Variants in CSMD1 observed in about 807,000 individuals in gnomAD.
The protein encoded by CSMD1 is CUB and Sushi multiple domains 1.
A neutral mutation model predicts 417.5 loss-of-function variants in CSMD1; 213 were observed. That is an observed-to-expected ratio of 0.51 (90% CI 0.46 to 0.57). CSMD1 has a LOEUF of 0.57. Among genes scored for constraint, CSMD1 ranks in the 20% least tolerant of loss-of-function variants. The pLI is 0.00. For missense variants in CSMD1, 6,923 were observed against 4,529.7 expected (o/e 1.53, Z -15.17); for synonymous variants, 2,862 against 1,736.8 (o/e 1.65, Z -16.11).
Position 3,745,658 on chromosome 8 carries a change from C to A in CSMD1, c.931+8272G>T, listed in dbSNP as rs565526851. On this transcript the variant is annotated intron_variant, in intron 6 of 69. Transcript: ENST00000635120. Reference sequence around the variant, plus strand: ...GAAGCATTTGTCTTTTCACAAGGGGCATGAATCCCCGGGGAAGTCAGGCAG... The same window carrying A: ...GAAGCATTTGTCTTTTCACAAGGGGAATGAATCCCCGGGGAAGTCAGGCAG... 2.2e-4 allele frequency among the ~76,000 whole-genome samples: 33 copies of A among 152,320 alleles called. No homozygotes were observed. The East Asian group carries it at 6.4e-3, about 29-fold the overall frequency.
intron 11 of CSMD1, among the ~76,000 whole-genome samples, chr8:3,477,580 A>G (rs74802008): frequency 0.025 from 3,869 of 152,286 alleles, 244 homozygotes; most frequent in East Asian, 0.18. Flanking sequence ...GGAGTAAAAT[A>G]CCAGTAATGA....
intron 64 of CSMD1, among the ~76,000 whole-genome samples, chr8:2,955,063 A>G (rs925122130): frequency 1.3e-5 from 2 of 152,230 alleles, no homozygotes; most frequent in Non-Finnish European, 2.9e-5. Flanking sequence ...ACAAATTTGT[A>G]ATTAATGGAT....
intron 1 of CSMD1, among the ~76,000 whole-genome samples, chr8:4,970,177 G>C (rs79345899): frequency 0.033 from 4,995 of 152,196 alleles, 95 homozygotes; most frequent in Middle Eastern, 0.13. Context: ...ACACAGTGTA[G>C]AGGGAGAACT....
intron 10 of CSMD1, among the ~76,000 whole-genome samples, chr8:3,549,827 T>G (rs1443463506): frequency 6.6e-6 from 1 of 152,076 alleles, no homozygotes; most frequent in Non-Finnish European, 1.5e-5. Flanking sequence ...AACCACCCAA[T>G]TTCAGGTATT....
chr8:4,229,312 A>G (rs1801564721), intron 3 of CSMD1, among the ~76,000 whole-genome samples: 1 of 152,098 alleles, frequency 6.6e-6, no homozygotes, highest in Non-Finnish European at 1.5e-5. Flanking sequence ...ACCATTATCT[A>G]TCACCTGAAT....
intron 1 of CSMD1, among the ~76,000 whole-genome samples, chr8:4,723,516 T>C (rs1178073377): frequency 6.6e-6 from 1 of 152,092 alleles, no homozygotes; most frequent in South Asian, 2.1e-4. Context: ...TCTTGTAGGA[T>C]CTGTGTATAC....
At chr8:4,098,362 TA>T (rs1337460343) in intron 3 of CSMD1, among the ~76,000 whole-genome samples, 1 of 152,060 alleles carries the variant, frequency 6.6e-6, no homozygotes, top group Admixed American at 6.6e-5. Flanking sequence ...TGATCTTCAC[TA>T]TTTTTTTTCT....
chr8:3,741,064 A>T (rs1402201330), intron 6 of CSMD1, among the ~76,000 whole-genome samples: 3 of 151,912 alleles, frequency 2.0e-5, no homozygotes, highest in African/African-American at 7.3e-5. Context: ...AAAATACAAA[A>T]ATTAGCCAGG....
intron 2 of CSMD1, among the ~76,000 whole-genome samples, chr8:4,580,939 C>A (rs868164752): frequency 6.6e-6 from 1 of 152,208 alleles, no homozygotes; most frequent in East Asian, 1.9e-4. Context: ...ATTTTTACAT[C>A]ACTTTTAGGT....
At chr8:4,656,267 A>T (rs1804223217) in intron 1 of CSMD1, among the ~76,000 whole-genome samples, 1 of 152,030 alleles carries the variant, frequency 6.6e-6, no homozygotes, top group South Asian at 2.1e-4. Context: ...GCAGTAGAAG[A>T]AGCCAGTGAG....
chr8:4,099,106 T>A (rs904307184), intron 3 of CSMD1, among the ~76,000 whole-genome samples: 1 of 152,046 alleles, frequency 6.6e-6, no homozygotes, highest in African/African-American at 2.4e-5. Context: ...TTTTTCTTTT[T>A]TTGTCCATCT....
At chr8:4,130,636 T>C (rs1803042410) in intron 3 of CSMD1, among the ~76,000 whole-genome samples, 1 of 152,152 alleles carries the variant, frequency 6.6e-6, no homozygotes, top group Non-Finnish European at 1.5e-5. Flanking sequence ...TTTGTCCTTG[T>C]GAACTTGTGA....
chr8:4,007,018 T>C (rs2130405402), intron 4 of CSMD1, among the ~76,000 whole-genome samples: 1 of 152,008 alleles, frequency 6.6e-6, no homozygotes, highest in East Asian at 1.9e-4. Flanking sequence ...GTGTGTATTT[T>C]TAGTAGAGAC....
chr8:4,960,508 G>T (rs888392138), intron 1 of CSMD1, among the ~76,000 whole-genome samples: 6 of 152,066 alleles, frequency 3.9e-5, no homozygotes, highest in African/African-American at 1.4e-4. Flanking sequence ...ATTCTTCAAG[G>T]AACAAGATAG....
chr8:4,667,097 G>GT (rs1298873345), intron 1 of CSMD1, among the ~76,000 whole-genome samples: 3 of 151,994 alleles, frequency 2.0e-5, no homozygotes, highest in Non-Finnish European at 4.4e-5. Flanking sequence ...GAATCCTTTG[G>GT]TGAAAAGACT....
rs556915449 is a variant in CSMD1, at chr8:4,264,361, C to T, written c.415+155592G>A. ...ACTCATTCAGAATAAGAGCTCCTGT[C>T]TTTCCACTTTTTAGAAGATAATACA... On this transcript the variant is annotated intron_variant, in intron 3 of 69. Transcript: ENST00000635120. 2.0e-5 allele frequency among the ~76,000 whole-genome samples: 3 copies of T among 152,310 alleles called. No homozygotes were observed. The East Asian group carries it at 5.8e-4, about 29-fold the overall frequency.
At chr8:4,147,912 G>A (rs571462843) in intron 3 of CSMD1, among the ~76,000 whole-genome samples, 3 of 152,214 alleles carry the variant, frequency 2.0e-5, no homozygotes, top group East Asian at 1.9e-4. Context: ...AAGCCTCGGA[G>A]GCTCCTGCAG....
At chr8:4,768,210 G>A (rs10503276) in intron 1 of CSMD1, among the ~76,000 whole-genome samples, 66,915 of 151,664 alleles carry the variant, frequency 0.44, 15,090 homozygotes, top group Admixed American at 0.59. Context: ...CTTTTATGTT[G>A]GAATGAGCTT....
In CSMD1 at chr8:3,330,554, A is replaced by C. The variant is rs139434669; in HGVS notation, c.3631+12740T>G. 2.1e-3 allele frequency among the ~76,000 whole-genome samples: 316 copies of C among 152,328 alleles called. 3 individuals are homozygous for C. Among genetic ancestry groups the C allele is most frequent in the African/African-American group, 7.3e-3 (304 of 41,588 alleles). On this transcript the variant is annotated intron_variant, in intron 23 of 69. Transcript: ENST00000635120. Reference sequence around the variant, plus strand: ...AGCAGGAGCTAAATGGTGTGAACTCATGAACACAAAGAAGGGGATGACAGA... The same window carrying C: ...AGCAGGAGCTAAATGGTGTGAACTCCTGAACACAAAGAAGGGGATGACAGA...
Sources: allele counts gnomAD v4.1 joint callset (sites outside exome capture counted in the v4.1 genomes callset), GRCh38; gene constraint gnomAD v4.1.1; transcripts MANE v1.5; gene names NCBI Gene and HGNC (gene_info 2026-07-23, HGNC 2026-07-21).